KLHL13: variants seen among roughly 807,000 people sequenced by gnomAD.
KLHL13 encodes kelch-like protein 13.
In KLHL13, 10 loss-of-function variants were observed where a neutral mutation model predicts 37.1. That is an observed-to-expected ratio of 0.27 (90% CI 0.17 to 0.46). The LOEUF (loss-of-function observed/expected upper bound fraction) is 0.46, where lower values mean the gene tolerates loss of function less well. Among genes scored for constraint, KLHL13 ranks in the 20% least tolerant of loss-of-function variants. The pLI is 1.00. For missense variants in KLHL13, 360 were observed against 509.3 expected (o/e 0.71, Z 2.82); for synonymous variants, 163 against 181.2 (o/e 0.90, Z 0.81).
chrX:117,901,650 G>A (rs878863946), intron 6 of KLHL13, among the ~76,000 whole-genome samples, 183 bp downstream of exon 7: 9 of 108,756 alleles, frequency 8.3e-5, no homozygotes, highest in Admixed American at 6.9e-4. Flanking sequence ...GATTACAGAC[G>A]TGCACCACCA....
intron 1 of KLHL13, among the ~76,000 whole-genome samples, chrX:118,037,959 C>G (rs998719660): frequency 9.0e-6 from 1 of 111,017 alleles, no homozygotes; most frequent in Non-Finnish European, 1.9e-5. Flanking sequence ...AGATCACAAA[C>G]AAAATCACAA....
chrX:118,080,383 A>G (rs939261937), intron 1 of KLHL13, among the ~76,000 whole-genome samples: 2 of 110,750 alleles, frequency 1.8e-5, no homozygotes, highest in South Asian at 7.5e-4. Context: ...ACAAACGTCT[A>G]TTATCCAGAA....
intron 1 of KLHL13, among the ~76,000 whole-genome samples, chrX:118,028,155 A>G (rs915433899): frequency 9.0e-6 from 1 of 111,725 alleles, no homozygotes; most frequent in Non-Finnish European, 1.9e-5. Flanking sequence ...ATTCAAATAA[A>G]TATCTCCACT....
intron 1 of KLHL13, among the ~76,000 whole-genome samples, chrX:118,046,391 G>A (rs949938885): frequency 2.7e-5 from 3 of 112,028 alleles, no homozygotes; most frequent in East Asian, 2.8e-4. Flanking sequence ...CCAGAGGCTG[G>A]GAAGGGTAGC....
chrX:118,096,955 A>G (rs2055214976), intron 1 of KLHL13, among the ~76,000 whole-genome samples: 1 of 111,140 alleles, frequency 9.0e-6, no homozygotes, highest in Non-Finnish European at 1.9e-5. Context: ...ATCTATGACA[A>G]ACCCACAGCC....
intron 4 of KLHL13, among the ~76,000 whole-genome samples, chrX:117,912,502 G>T (rs974118379): frequency 9.0e-6 from 1 of 111,674 alleles, no homozygotes; most frequent in Non-Finnish European, 1.9e-5. Flanking sequence ...GTGAGAAAAC[G>T]ATTGCTAGAA....
intron 1 of KLHL13, among the ~76,000 whole-genome samples, chrX:117,954,433 A>C (rs1933799802): frequency 9.0e-6 from 1 of 111,690 alleles, no homozygotes; most frequent in Admixed American, 9.6e-5. Context: ...TGGATGGATA[A>C]AGGGATACAT....
At chrX:118,029,907 G>T (rs7877432) in intron 1 of KLHL13, among the ~76,000 whole-genome samples, 5,861 of 110,701 alleles carry the variant, frequency 0.053, 394 homozygotes, top group African/African-American at 0.18. Context: ...GGCAGAGGTT[G>T]CAGTGAGCCA....
At position 118,086,739 on chromosome X, in the gene KLHL13, C is replaced by A. The variant is rs1006767780; in HGVS notation, c.-56+29769G>T. Reference sequence around the variant, plus strand: ...TAAACAAAATGATAACAATGGCTGCCTCCAGAGAGAGAAGACTTATTTTTC... The same window carrying A: ...TAAACAAAATGATAACAATGGCTGCATCCAGAGAGAGAAGACTTATTTTTC... On this transcript the variant is annotated intron_variant, in intron 1 of 6. Transcript: ENST00000371882. Among the ~76,000 whole-genome samples, 30 of 111,312 alleles carry A rather than the reference C, an allele frequency of 2.7e-4. 3 individuals are homozygous for A. The Admixed American group carries it at 2.8e-3, about 10-fold the overall frequency.
At chrX:117,905,067 A>T (rs1401817398) in intron 5 of KLHL13, among the ~76,000 whole-genome samples, 1 of 111,302 alleles carries the variant, frequency 9.0e-6, no homozygotes, top group Non-Finnish European at 1.9e-5. Context: ...TTAAACAGTG[A>T]TGGCTGTCAT....
Position 117,985,447 on chromosome X carries a change from T to TAAAAAA in KLHL13, c.-55-39878_-55-39873dup, listed in dbSNP as rs555339137. The TAAAAAA allele has an allele frequency of 1.7e-4, 101 of 609,360 alleles. No individual in the cohort carries two copies. In the African/African-American group the frequency reaches 2.2e-3, roughly 13 times the overall value. The allele number at this position is 609,360 out of a possible 1,213,427, so 50.2% of individuals were successfully genotyped here. ...AAAGCAGAAACAGGCTTTATATATTTAAAAAAAAAAAAAAAAACCTATGTA... is the reference window on the plus strand; with the variant it reads ...AAAGCAGAAACAGGCTTTATATATTTAAAAAAAAAAAAAAAAAAAAAAACCTATGTA... On this transcript the variant is annotated intron_variant, in intron 1 of 6. Transcript: ENST00000371882.
chrX:118,111,870 C>T (rs761648800), intron 1 of KLHL13, among the ~76,000 whole-genome samples: 8 of 110,919 alleles, frequency 7.2e-5, no homozygotes, highest in Non-Finnish European at 1.5e-4. Flanking sequence ...CCAGCCTGAA[C>T]GATAGAGTGA....
At chrX:117,932,701 A>G (rs959814343) in intron 2 of KLHL13, among the ~76,000 whole-genome samples, 2 of 112,139 alleles carry the variant, frequency 1.8e-5, no homozygotes, top group Non-Finnish European at 3.8e-5. Flanking sequence ...TGTCTCTCCA[A>G]CATGCTGATT....
intron 4 of KLHL13, among the ~76,000 whole-genome samples, chrX:117,916,076 T>G (rs1468162773): frequency 9.0e-6 from 1 of 111,154 alleles, no homozygotes; most frequent in East Asian, 2.8e-4. Flanking sequence ...GATAATCGCT[T>G]GAACCTGGGA....
At chrX:117,898,987 C>G (rs775083497) in exon 7 of KLHL13, 1 of 1,209,296 alleles carries the variant, frequency 8.3e-7, no homozygotes, top group Non-Finnish European at 1.1e-6. Context: ...TGTGCAAGCA[C>G]GAATGCCACC....
intron 1 of KLHL13, among the ~76,000 whole-genome samples, chrX:118,092,022 G>A (rs2055141859): frequency 9.0e-6 from 1 of 111,613 alleles, no homozygotes; most frequent in African/African-American, 3.3e-5. Flanking sequence ...GGATGCAAAG[G>A]CATAAGAATG....
intron 2 of KLHL13, among the ~76,000 whole-genome samples, chrX:117,939,361 A>G (rs957483436): frequency 2.7e-5 from 3 of 111,991 alleles, no homozygotes; most frequent in Non-Finnish European, 5.6e-5. Flanking sequence ...TGGGTTGGTT[A>G]CAAGTCTTTG....
In KLHL13 at chrX:118,035,224, C is replaced by T. The variant is rs867073402; in HGVS notation, c.-56+81284G>A. ...TCCAATCAATAGAAAAAGAGGGAAT[C>T]CTCCCTAACTCATTTTATGAGGCCA... On this transcript the variant is annotated intron_variant, in intron 1 of 6. Transcript: ENST00000371882. Among the ~76,000 whole-genome samples the T allele has an allele frequency of 3.0e-3, 311 of 103,529 alleles. 15 individuals are homozygous for T. The highest frequency in any genetic ancestry group is 0.011 in the African/African-American group (260 of 24,177). 89.9% of individuals were successfully genotyped at this position (103,529 alleles called of 115,157 possible). A position where few individuals can be genotyped will look rare whatever the true frequency, so the allele number is the denominator to read the frequency against.
At chrX:117,899,672 G>C (rs1422632582) in intron 6 of KLHL13, among the ~76,000 whole-genome samples, 1 of 111,716 alleles carries the variant, frequency 9.0e-6, no homozygotes, top group Non-Finnish European at 1.9e-5. Context: ...TATTTAAAAG[G>C]CTTTGCTGAA....
Sources: allele counts gnomAD v4.1 joint callset (sites outside exome capture counted in the v4.1 genomes callset), GRCh38; gene constraint gnomAD v4.1.1; transcripts MANE v1.5; gene names NCBI Gene and HGNC (gene_info 2026-07-23, HGNC 2026-07-21).